Variants in ACOXL observed in about 807,000 individuals in gnomAD.
ACOXL encodes acyl-CoA oxidase like, also known as acyl-coenzyme A oxidase-like protein.
A neutral mutation model predicts 71.9 loss-of-function variants in ACOXL; 70 were observed. That is an observed-to-expected ratio of 0.97 (90% CI 0.80 to 1.19). The LOEUF (loss-of-function observed/expected upper bound fraction) is 1.19. Ranked by LOEUF, ACOXL falls within the 50% of genes most tolerant of loss-of-function variation. The pLI is 0.00. For missense variants in ACOXL, 703 were observed against 736.3 expected (o/e 0.95, Z 0.52); for synonymous variants, 253 against 281.6 (o/e 0.90, Z 1.02).
chr2:110,733,946 T>C (rs1026184843), intron 1 of ACOXL, among the ~76,000 whole-genome samples: 2 of 152,192 alleles, frequency 1.3e-5, no homozygotes, highest in Non-Finnish European at 2.9e-5. Context: ...TTCACTCTCA[T>C]TCTCTCACTA....
chr2:111,070,110 A>G (rs2067270313), intron 16 of ACOXL, among the ~76,000 whole-genome samples: 1 of 152,134 alleles, frequency 6.6e-6, no homozygotes, highest in Non-Finnish European at 1.5e-5. Flanking sequence ...TTTGAGCTAA[A>G]AAACAGAACT....
intron 16 of ACOXL, among the ~76,000 whole-genome samples, chr2:111,066,954 C>G (rs1479145622): frequency 6.6e-6 from 1 of 152,138 alleles, no homozygotes; most frequent in Non-Finnish European, 1.5e-5. Flanking sequence ...AGAATTTTAA[C>G]TCATCTCTTA....
intron 10 of ACOXL, among the ~76,000 whole-genome samples, chr2:110,861,451 A>G (rs796363798): frequency 1.1e-4 from 16 of 152,190 alleles, no homozygotes; most frequent in African/African-American, 3.9e-4. Context: ...GAGCTCTGGG[A>G]AGGCCTGAAT....
intron 7 of ACOXL, among the ~76,000 whole-genome samples, chr2:110,800,651 AGAAG>A (rs1011983176): frequency 1.1e-4 from 17 of 152,240 alleles, no homozygotes; most frequent in Non-Finnish European, 1.0e-4. Flanking sequence ...AAGAAAAAAA[AGAAG>A]GAAGAGAAGA....
chr2:110,943,257 GAA>G (rs1219710200), intron 12 of ACOXL, among the ~76,000 whole-genome samples: 1 of 137,408 alleles, frequency 7.3e-6, no homozygotes, highest in Non-Finnish European at 1.5e-5. Flanking sequence ...AAAAAGAAAA[GAA>G]AGGAGGGAGG....
intron 1 of ACOXL, among the ~76,000 whole-genome samples, chr2:110,767,923 AACACACAC>A (rs58524964): frequency 0.17 from 19,268 of 114,332 alleles, 1,603 homozygotes; most frequent in Non-Finnish European, 0.18. Flanking sequence ...GTCTCTACTA[AACACACAC>A]ACACACACAC....
chr2:111,049,930 C>A lies in ACOXL; in HGVS notation c.1440+642C>A, dbSNP rs1046693534. On this transcript the variant is annotated intron_variant, in intron 16 of 17. Coordinates refer to ENST00000439055, the MANE Select transcript of ACOXL (RefSeq NM_001142807.4). ...AAGTGTGGAAAACCCTGGCAAGCTG[C>A]CCACCTGGATTTAATTAAAACTTTG... Among the ~76,000 whole-genome samples the A allele has an allele frequency of 7.9e-5, 12 of 152,088 alleles. 1 individual carries two copies. Among genetic ancestry groups the A allele is most frequent in the East Asian group, 7.7e-4 (4 of 5,188 alleles).
chr2:110,761,656 G>T (rs1187449410), intron 1 of ACOXL, among the ~76,000 whole-genome samples: 1 of 152,166 alleles, frequency 6.6e-6, no homozygotes, highest in African/African-American at 2.4e-5. Flanking sequence ...CACCCATACT[G>T]CCAGTTGCTG....
intron 2 of ACOXL, among the ~76,000 whole-genome samples, chr2:110,769,359 T>C (rs144009413): frequency 8.5e-4 from 129 of 152,254 alleles, no homozygotes; most frequent in African/African-American, 3.0e-3. Context: ...GGAAAAAATA[T>C]ACCTCAGCAG....
intron 15 of ACOXL, among the ~76,000 whole-genome samples, chr2:111,036,346 G>C (rs1429724944): frequency 6.6e-6 from 1 of 152,148 alleles, no homozygotes; most frequent in Non-Finnish European, 1.5e-5. Context: ...AAGGGAGGGA[G>C]GTAGGGAGGG....
intron 10 of ACOXL, among the ~76,000 whole-genome samples, chr2:110,898,044 A>G (rs969991227): frequency 2.0e-5 from 3 of 152,150 alleles, no homozygotes; most frequent in African/African-American, 4.8e-5. Context: ...AACTCCCCCA[A>G]TGTGTAAGAT....
intron 11 of ACOXL, among the ~76,000 whole-genome samples, chr2:110,930,456 C>A (rs573665705): frequency 2.0e-5 from 3 of 152,326 alleles, no homozygotes; most frequent in African/African-American, 7.2e-5. Flanking sequence ...CTTGCTTTGA[C>A]TTGCTTTGTC....
rs1225889982 is a variant in ACOXL at position 111,108,371 on chromosome 2, C to CTTTTTTTTTTTTT, written c.1543-9234_1543-9222dup. On this transcript the variant is annotated intron_variant, in intron 17 of 17. Coordinates refer to ENST00000439055, the MANE Select transcript of ACOXL (RefSeq NM_001142807.4). The stretch of plus-strand genomic sequence containing the variant: ...TTTATATACATTGAAGTGCATGAAT[C>CTTTTTTTTTTTTT]TTTTTTTTTTTTTTTTTTTTTTTGG... Among the ~76,000 whole-genome samples, 54 of 71,054 alleles carry CTTTTTTTTTTTTT rather than the reference C, an allele frequency of 7.6e-4. 11 individuals carry two copies. Among genetic ancestry groups the CTTTTTTTTTTTTT allele is most frequent in the Non-Finnish European group, 8.9e-4 (36 of 40,448 alleles). 46.6% of individuals were successfully genotyped at this position (71,054 alleles called of 152,430 possible).
At chr2:110,899,857 T>G (rs1367153286) in intron 10 of ACOXL, among the ~76,000 whole-genome samples, 2 of 152,174 alleles carry the variant, frequency 1.3e-5, no homozygotes, top group African/African-American at 2.4e-5. Flanking sequence ...GAGAACTGTC[T>G]GAAAAACATT....
intron 11 of ACOXL, among the ~76,000 whole-genome samples, chr2:110,914,193 A>G (rs964419859): frequency 3.9e-5 from 6 of 152,132 alleles, no homozygotes; most frequent in African/African-American, 9.6e-5. Context: ...AGAGAGGAGG[A>G]AAAAAAAGAA....
intron 10 of ACOXL, among the ~76,000 whole-genome samples, chr2:110,907,209 C>G (rs1314714387): frequency 6.6e-6 from 1 of 152,162 alleles, no homozygotes; most frequent in African/African-American, 2.4e-5. Flanking sequence ...CTCACATGGT[C>G]TTTCTCAGAG....
chr2:110,848,868 T>C (rs542821851), intron 10 of ACOXL, among the ~76,000 whole-genome samples: 54 of 152,326 alleles, frequency 3.5e-4, no homozygotes, highest in Admixed American at 3.2e-3. Context: ...AGAAGGCCCC[T>C]TGGGCTTCCC....
intron 10 of ACOXL, among the ~76,000 whole-genome samples, chr2:110,900,523 A>G (rs2059192848): frequency 6.6e-6 from 1 of 152,196 alleles, no homozygotes; most frequent in Admixed American, 6.5e-5. Context: ...TTACTTGCCC[A>G]AGATAACACA....
chr2:110,830,765 C>T (rs576181100), intron 9 of ACOXL, among the ~76,000 whole-genome samples: 1 of 152,186 alleles, frequency 6.6e-6, no homozygotes, highest in African/African-American at 2.4e-5. Context: ...AATTTCCTGA[C>T]CTTGTGATCC....
Sources: gnomAD v4.1 joint callset for allele counts (sites outside exome capture counted in the v4.1 genomes callset) on GRCh38, gnomAD v4.1.1 for gene constraint, MANE v1.5 for transcripts, NCBI Gene and HGNC (gene_info 2026-07-23, HGNC 2026-07-21) for gene names.